The following SMOC1 variants were observed in gnomAD, a reference collection of about 807,000 sequenced individuals.
SMOC1 encodes the protein SPARC related modular calcium binding 1.
In SMOC1, 22 loss-of-function variants were observed where a neutral mutation model predicts 56.3. That is an observed-to-expected ratio of 0.39 (90% CI 0.28 to 0.56). SMOC1 has a LOEUF of 0.56. Among genes scored for constraint, SMOC1 ranks in the 20% least tolerant of loss-of-function variants. The probability of loss-of-function intolerance (pLI) is 0.61; values close to 1 mark genes in which losing one functional copy is unlikely to be tolerated. For synonymous variants in SMOC1, 193 were observed against 215.0 expected (o/e 0.90, Z 0.89); for missense variants, 509 against 565.4 (o/e 0.90, Z 1.01).
At chr14:70,025,705 G>A (rs72729809) in intron 11 of SMOC1, among the ~76,000 whole-genome samples, 6 of 152,312 alleles carry the variant, frequency 3.9e-5, no homozygotes, top group East Asian at 3.9e-4. Context: ...TCTGAAATCC[G>A]ATATGCTCCA....
chr14:69,952,453 GA>G, intron 2 of SMOC1, 150 bp downstream of exon 2: 1 of 902,860 alleles, frequency 1.1e-6, no homozygotes, highest in South Asian at 1.5e-5. Flanking sequence ...GCCAAGGGAA[GA>G]AAGCCTGGTC....
intron 1 of SMOC1, among the ~76,000 whole-genome samples, chr14:69,918,532 C>T (rs1884747968): frequency 6.6e-6 from 1 of 152,112 alleles, no homozygotes; most frequent in African/African-American, 2.4e-5. Flanking sequence ...TCGGCTGATC[C>T]TGTCTATTTT....
At chr14:69,967,025 A>G (rs934705445) in intron 3 of SMOC1, among the ~76,000 whole-genome samples, 1 of 152,238 alleles carries the variant, frequency 6.6e-6, no homozygotes, top group Non-Finnish European at 1.5e-5. Flanking sequence ...CTCACATTGG[A>G]CACAAGATTT....
intron 3 of SMOC1, among the ~76,000 whole-genome samples, chr14:69,970,759 G>C (rs2139488490): frequency 6.6e-6 from 1 of 152,276 alleles, no homozygotes; most frequent in South Asian, 2.1e-4. Context: ...AGGTTTCTCT[G>C]CTCATCGGTT....
intron 1 of SMOC1, among the ~76,000 whole-genome samples, chr14:69,942,341 G>A (rs1468682737): frequency 6.6e-6 from 1 of 152,148 alleles, no homozygotes; most frequent in East Asian, 1.9e-4. Context: ...GCCTATGGGG[G>A]TGTCTGATGT....
At chr14:69,958,314 GC>G (rs1186867446) in intron 3 of SMOC1, among the ~76,000 whole-genome samples, 1 of 152,088 alleles carries the variant, frequency 6.6e-6, no homozygotes, top group East Asian at 1.9e-4. Flanking sequence ...ACACACATTA[GC>G]CTTAACAACA....
chr14:69,906,995 G>GA (rs1172997690), intron 1 of SMOC1, among the ~76,000 whole-genome samples: 1 of 152,174 alleles, frequency 6.6e-6, no homozygotes, highest in Non-Finnish European at 1.5e-5. Flanking sequence ...GATGCAGCAG[G>GA]AAAAAATTAC....
chr14:70,018,174 C>G (rs185908457), intron 10 of SMOC1, among the ~76,000 whole-genome samples: 1 of 151,960 alleles, frequency 6.6e-6, no homozygotes, highest in Non-Finnish European at 1.5e-5. Context: ...GCAGAGTCAT[C>G]CTGATGGCAC....
At chr14:70,010,520 AAT>A (rs554844857) in intron 7 of SMOC1, among the ~76,000 whole-genome samples, 240 of 152,242 alleles carry the variant, frequency 1.6e-3, no homozygotes, top group African/African-American at 5.3e-3. Context: ...ATTTGGTGGG[AAT>A]GCTAATGAAT....
chr14:69,960,392 G>T (rs1167926196), intron 3 of SMOC1, among the ~76,000 whole-genome samples: 1 of 152,142 alleles, frequency 6.6e-6, no homozygotes, highest in Non-Finnish European at 1.5e-5. Context: ...GGATGCTGCA[G>T]AAAAAGTGGG....
chr14:69,939,831 C>T (rs557331449), intron 1 of SMOC1, among the ~76,000 whole-genome samples: 1 of 152,302 alleles, frequency 6.6e-6, no homozygotes, highest in South Asian at 2.1e-4. Flanking sequence ...GTTATAATTT[C>T]CTCTTTGCCC....
intron 1 of SMOC1, among the ~76,000 whole-genome samples, chr14:69,884,073 A>AT (rs1237205935): frequency 1.3e-5 from 2 of 150,616 alleles, no homozygotes; most frequent in Non-Finnish European, 3.0e-5. Context: ...CGCCCGGCTA[A>AT]TTTTTTGTAT....
intron 10 of SMOC1, among the ~76,000 whole-genome samples, chr14:70,015,130 TAAAAG>T (rs1885463262): frequency 2.6e-5 from 4 of 152,208 alleles, no homozygotes; most frequent in Admixed American, 2.0e-4. Context: ...TATTCAGTCT[TAAAAG>T]AGAGAGAAAT....
chr14:69,965,997 T>C (rs1018925861), intron 3 of SMOC1, among the ~76,000 whole-genome samples: 2 of 152,046 alleles, frequency 1.3e-5, no homozygotes, highest in Admixed American at 6.6e-5. Flanking sequence ...GGAACTCAGG[T>C]GGGAGGTGTG....
chr14:69,975,365 T>G (rs74060660), intron 3 of SMOC1, among the ~76,000 whole-genome samples: 3,072 of 152,164 alleles, frequency 0.02, 93 homozygotes, highest in African/African-American at 0.07. Flanking sequence ...GGTTAGAATT[T>G]TTTACAGTTG....
chr14:70,000,671 G>C (rs765199649), intron 7 of SMOC1, among the ~76,000 whole-genome samples: 3 of 152,144 alleles, frequency 2.0e-5, no homozygotes, highest in Non-Finnish European at 2.9e-5. Context: ...GTAGAATTTC[G>C]ATCTTGTTCT....
At chr14:69,921,586 C>T (rs938528826) in intron 1 of SMOC1, among the ~76,000 whole-genome samples, 15 of 152,052 alleles carry the variant, frequency 9.9e-5, no homozygotes, top group African/African-American at 2.7e-4. Flanking sequence ...CTGCAAGAGG[C>T]GTGAAAGAAA....
At chr14:69,972,933 A>G (rs1883826062) in intron 3 of SMOC1, among the ~76,000 whole-genome samples, 1 of 152,168 alleles carries the variant, frequency 6.6e-6, no homozygotes, top group African/African-American at 2.4e-5. Flanking sequence ...GCCTCGGGCG[A>G]TGGACTTGAG....
intron 5 of SMOC1, among the ~76,000 whole-genome samples, chr14:69,990,323 T>C (rs1884515509): frequency 6.6e-6 from 1 of 152,250 alleles, no homozygotes; most frequent in Non-Finnish European, 1.5e-5. Flanking sequence ...TCTTGTAATA[T>C]GGGAGGATTT....
Sources: allele counts gnomAD v4.1 joint callset (sites outside exome capture counted in the v4.1 genomes callset), GRCh38; gene constraint gnomAD v4.1.1; transcripts MANE v1.5; gene names NCBI Gene and HGNC (gene_info 2026-07-23, HGNC 2026-07-21).